Variants in MARCHF3 observed in about 807,000 individuals in gnomAD.
MARCHF3 encodes the protein E3 ubiquitin-protein ligase MARCHF3.
In MARCHF3, 13 loss-of-function variants were observed where a neutral mutation model predicts 24.2. The observed-to-expected ratio is 0.54, with a 90% CI of 0.35 to 0.85. The LOEUF is 0.85. Ranked by LOEUF, MARCHF3 falls within the 40% of genes least tolerant of loss-of-function variation. The pLI is 0.01. For synonymous variants in MARCHF3, 144 were observed against 137.3 expected (o/e 1.05, Z -0.34); for missense variants, 276 against 325.0 (o/e 0.85, Z 1.16).
intron 3 of MARCHF3, among the ~76,000 whole-genome samples, chr5:126,879,503 A>G (rs1338281309): frequency 6.6e-6 from 1 of 152,168 alleles, no homozygotes; most frequent in Non-Finnish European, 1.5e-5. Context: ...CTAATCCCCA[A>G]AAGGATGGGG....
intron 1 of MARCHF3, among the ~76,000 whole-genome samples, chr5:126,965,995 A>G (rs926912854): frequency 2.0e-5 from 3 of 152,236 alleles, no homozygotes; most frequent in African/African-American, 7.2e-5. Flanking sequence ...ATGAATTACT[A>G]CTCAGTAATA....
chr5:127,026,124 T>C (rs2126867060), intron 1 of MARCHF3, among the ~76,000 whole-genome samples: 1 of 152,148 alleles, frequency 6.6e-6, no homozygotes, highest in Middle Eastern at 3.4e-3. Flanking sequence ...TATAATAGAA[T>C]TGTTGCTTAG....
chr5:126,952,038 G>C (rs1234475901), intron 1 of MARCHF3, among the ~76,000 whole-genome samples: 1 of 152,072 alleles, frequency 6.6e-6, no homozygotes, highest in African/African-American at 2.4e-5. Context: ...GTAGAGACAG[G>C]GTTTCACCAT....
chr5:127,024,403 T>C (rs1309271506), intron 1 of MARCHF3, among the ~76,000 whole-genome samples: 1 of 152,120 alleles, frequency 6.6e-6, no homozygotes, highest in African/African-American at 2.4e-5. Flanking sequence ...AGCTACAAGA[T>C]GAAAAGTGTG....
intron 1 of MARCHF3, among the ~76,000 whole-genome samples, chr5:126,926,652 G>A (rs561672179): frequency 6.6e-6 from 1 of 152,252 alleles, no homozygotes; most frequent in East Asian, 1.9e-4. Flanking sequence ...GTAAGGAGCT[G>A]TCTGGGAACC....
intron 3 of MARCHF3, among the ~76,000 whole-genome samples, chr5:126,886,243 G>A (rs1753506219): frequency 6.6e-6 from 1 of 152,168 alleles, no homozygotes; most frequent in East Asian, 1.9e-4. Context: ...ATGGTGAGGT[G>A]CCAGTATTTG....
intron 4 of MARCHF3, 95 bp downstream of exon 4, chr5:126,878,090 A>G: frequency 8.4e-7 from 1 of 1,192,314 alleles, no homozygotes; most frequent in Non-Finnish European, 1.2e-6. Flanking sequence ...TCTACCGGGC[A>G]GGTGAGATGT....
chr5:126,940,428 GTA>G (rs974438956), intron 1 of MARCHF3, among the ~76,000 whole-genome samples: 1 of 152,106 alleles, frequency 6.6e-6, no homozygotes, highest in African/African-American at 2.4e-5. Context: ...CAGTGCAACT[GTA>G]TATATGTTTT....
intron 1 of MARCHF3, among the ~76,000 whole-genome samples, chr5:126,928,820 T>C (rs1437359437): frequency 1.3e-5 from 2 of 152,214 alleles, no homozygotes; most frequent in Non-Finnish European, 2.9e-5. Flanking sequence ...CTATCCTTTC[T>C]TCCTTCCTTT....
At chr5:126,994,377 T>G (rs1751875888) in intron 1 of MARCHF3, among the ~76,000 whole-genome samples, 1 of 152,160 alleles carries the variant, frequency 6.6e-6, no homozygotes, top group African/African-American at 2.4e-5. Context: ...TAAAAGGGGA[T>G]GAGAGCACCT....
rs1752824017 is a variant in MARCHF3, at chr5:126,867,976, A to C, written c.*2657T>G. 6.6e-6 allele frequency: 1 copy of C among 152,170 alleles called. No individual in the cohort carries two copies. The highest frequency in any genetic ancestry group is 6.5e-5 in the Admixed American group (1 of 15,284). The allele number at this position is 152,170 out of a possible 1,614,324, so 9.4% of individuals were successfully genotyped here. On this transcript the variant is annotated 3_prime_UTR_variant, in exon 5 of 5. Coordinates refer to ENST00000308660, the MANE Select transcript of MARCHF3 (RefSeq NM_178450.5). ...TGATTAGGACAGAATCACAGCAAGG[A>C]GTGTGGAAGAGGGAGTTTTTTTAAA...
At chr5:126,892,488 T>C (rs1280589544) in intron 3 of MARCHF3, among the ~76,000 whole-genome samples, 4 of 148,140 alleles carry the variant, frequency 2.7e-5, no homozygotes, top group African/African-American at 7.7e-5. Flanking sequence ...ATTGAGAGTT[T>C]TTAGCATGAA....
intron 1 of MARCHF3, among the ~76,000 whole-genome samples, chr5:127,005,513 A>G (rs971991608): frequency 3.9e-5 from 6 of 152,218 alleles, no homozygotes; most frequent in African/African-American, 1.4e-4. Context: ...GGGCATTCAC[A>G]TCCTCATCCA....
At chr5:127,001,712 G>C (rs530759252) in intron 1 of MARCHF3, among the ~76,000 whole-genome samples, 1 of 152,238 alleles carries the variant, frequency 6.6e-6, no homozygotes, top group East Asian at 1.9e-4. Context: ...CTCCTAATGG[G>C]TTGCCTTGCT....
chr5:126,991,928 A>T (rs1751778104), intron 1 of MARCHF3, among the ~76,000 whole-genome samples: 2 of 152,262 alleles, frequency 1.3e-5, no homozygotes, highest in South Asian at 4.1e-4. Flanking sequence ...TAATTGATCA[A>T]CAGGGTTTGT....
At chr5:126,923,432 G>A (rs1160605957) in intron 1 of MARCHF3, among the ~76,000 whole-genome samples, 1 of 152,186 alleles carries the variant, frequency 6.6e-6, no homozygotes, top group African/African-American at 2.4e-5. Flanking sequence ...GTAGAAAAAT[G>A]ACTCAAAAGG....
At chr5:126,947,531 C>A (rs1174284642) in intron 1 of MARCHF3, among the ~76,000 whole-genome samples, 1 of 152,106 alleles carries the variant, frequency 6.6e-6, no homozygotes, top group Non-Finnish European at 1.5e-5. Flanking sequence ...TTATAGAACA[C>A]CAAGAGTGAA....
At chr5:127,004,631 A>G (rs1261784349) in intron 1 of MARCHF3, among the ~76,000 whole-genome samples, 1 of 152,054 alleles carries the variant, frequency 6.6e-6, no homozygotes, top group Non-Finnish European at 1.5e-5. Flanking sequence ...TCAGGTCTTT[A>G]TCCCATGGGC....
intron 1 of MARCHF3, among the ~76,000 whole-genome samples, chr5:126,932,761 A>G (rs955608249): frequency 2.0e-5 from 3 of 152,182 alleles, no homozygotes; most frequent in African/African-American, 7.2e-5. Flanking sequence ...TAGGTGGGCC[A>G]CTATAGCTCT....
Sources: gnomAD v4.1 joint callset for allele counts (sites outside exome capture counted in the v4.1 genomes callset) on GRCh38, gnomAD v4.1.1 for gene constraint, MANE v1.5 for transcripts, NCBI Gene and HGNC (gene_info 2026-07-23, HGNC 2026-07-21) for gene names.